The following RANBP17 variants were observed in gnomAD, a reference collection of about 807,000 sequenced individuals.
RANBP17 encodes the protein RAN binding protein 17, also known as ran-binding protein 17.
In RANBP17, 158 loss-of-function variants were observed where a neutral mutation model predicts 141.2. That is an observed-to-expected ratio of 1.12 (90% CI 0.98 to 1.28). RANBP17 has a LOEUF of 1.28. RANBP17 is among the 50% of genes most tolerant of loss of function. RANBP17 has a pLI of 0.00. For synonymous variants in RANBP17, 430 were observed against 450.0 expected, an observed-to-expected ratio of 0.96 and a Z score of 0.56; for missense variants, 1,438 against 1,290.7, an observed-to-expected ratio of 1.11 and a Z score of -1.75.
chr5:171,060,321 T>C (rs564075848), intron 14 of RANBP17, among the ~76,000 whole-genome samples: 5 of 149,660 alleles, frequency 3.3e-5, no homozygotes, highest in African/African-American at 9.8e-5. Context: ...TAGCTCTTAT[T>C]ATTTTGAGAT....
intron 5 of RANBP17, among the ~76,000 whole-genome samples, chr5:170,901,885 G>T (rs4418115): frequency 0.6 from 91,513 of 152,122 alleles, 29,242 homozygotes; most frequent in South Asian, 0.88. Context: ...TCTGCAGAGA[G>T]ATCTGCTGTT....
chr5:171,035,858 C>A (rs1031822453), intron 14 of RANBP17, among the ~76,000 whole-genome samples: 2 of 150,380 alleles, frequency 1.3e-5, no homozygotes, highest in African/African-American at 4.9e-5. Context: ...CAACCCGTTA[C>A]CAAGGTAGAG....
chr5:171,187,399 A>G (rs745352377), intron 18 of RANBP17, among the ~76,000 whole-genome samples: 6 of 152,192 alleles, frequency 3.9e-5, no homozygotes, highest in Admixed American at 1.3e-4. Context: ...AATGATGCCA[A>G]TAGAATTGTT....
At chr5:170,969,336 G>A (rs1776819976) in intron 14 of RANBP17, among the ~76,000 whole-genome samples, 1 of 151,746 alleles carries the variant, frequency 6.6e-6, no homozygotes, top group African/African-American at 2.4e-5. Flanking sequence ...GAATTTAGCT[G>A]CCACCAAATG....
intron 21 of RANBP17, among the ~76,000 whole-genome samples, chr5:171,214,853 A>G (rs1763118684): frequency 6.6e-6 from 1 of 152,118 alleles, no homozygotes; most frequent in African/African-American, 2.4e-5. Context: ...TGCATTGTAT[A>G]TTATAAAGTA....
chr5:170,942,610 A>G (rs1774418692), intron 12 of RANBP17, among the ~76,000 whole-genome samples: 1 of 152,204 alleles, frequency 6.6e-6, no homozygotes, highest in Admixed American at 6.5e-5. Flanking sequence ...TAAGCATTAA[A>G]TATTGACTCA....
At chr5:171,187,056 C>A (rs1039362251) in intron 18 of RANBP17, among the ~76,000 whole-genome samples, 1 of 152,108 alleles carries the variant, frequency 6.6e-6, no homozygotes, top group Non-Finnish European at 1.5e-5. Flanking sequence ...ACGTGTAACT[C>A]TTCCTTTCAC....
intron 14 of RANBP17, among the ~76,000 whole-genome samples, chr5:171,166,569 A>C (rs956328084): frequency 3.9e-5 from 6 of 152,278 alleles, no homozygotes; most frequent in African/African-American, 1.4e-4. Flanking sequence ...TAAAAACTCT[A>C]AATACTGTGT....
intron 16 of RANBP17, among the ~76,000 whole-genome samples, chr5:171,175,396 C>T (rs566663148): frequency 1.4e-4 from 22 of 152,080 alleles, no homozygotes; most frequent in Non-Finnish European, 2.9e-4. Flanking sequence ...CTAACTTATG[C>T]TCCCACCAAC....
intron 14 of RANBP17, among the ~76,000 whole-genome samples, chr5:171,152,253 A>T (rs1011827329): frequency 6.6e-6 from 1 of 151,318 alleles, no homozygotes; most frequent in Admixed American, 6.6e-5. Flanking sequence ...TCTCTACTAA[A>T]AAAAAAAAAG....
At chr5:171,111,226 T>G (rs1165138421) in intron 14 of RANBP17, among the ~76,000 whole-genome samples, 1 of 152,142 alleles carries the variant, frequency 6.6e-6, no homozygotes, top group Non-Finnish European at 1.5e-5. Context: ...TATTTTGGAG[T>G]AGCATATTCT....
At chr5:171,211,582 T>C (rs372228128) in intron 20 of RANBP17, among the ~76,000 whole-genome samples, 15 of 151,744 alleles carry the variant, frequency 9.9e-5, no homozygotes, top group Middle Eastern at 3.5e-3. Context: ...TACTTTCTAA[T>C]GTGTATTTAT....
chr5:170,894,157 A>G (rs972113341), intron 4 of RANBP17, among the ~76,000 whole-genome samples: 1 of 152,198 alleles, frequency 6.6e-6, no homozygotes, highest in South Asian at 2.1e-4. Flanking sequence ...CAGGACAAGT[A>G]TGAGCTTCAC....
At chr5:170,898,612 C>G (rs115097214) in intron 5 of RANBP17, among the ~76,000 whole-genome samples, 1,785 of 152,196 alleles carry the variant, frequency 0.012, 31 homozygotes, top group African/African-American at 0.041. Flanking sequence ...ATGCCTATGT[C>G]CTTAGTGGTA....
chr5:171,049,011 G>T (rs1485362998), intron 14 of RANBP17, among the ~76,000 whole-genome samples: 2 of 152,118 alleles, frequency 1.3e-5, no homozygotes, highest in African/African-American at 4.8e-5. Context: ...TGGGATTGCT[G>T]GGTGGAATGG....
chr5:170,979,748 A>G (rs13154876), intron 14 of RANBP17, among the ~76,000 whole-genome samples: 1 of 152,060 alleles, frequency 6.6e-6, no homozygotes, highest in Non-Finnish European at 1.5e-5. Flanking sequence ...TCCAGTAAAC[A>G]TCTTTCTTTT....
At chr5:170,926,877 C>T (rs1772971228) in intron 12 of RANBP17, among the ~76,000 whole-genome samples, 1 of 152,032 alleles carries the variant, frequency 6.6e-6, no homozygotes, top group Admixed American at 6.6e-5. Flanking sequence ...TACAGCATAC[C>T]ATACTCACTG....
intron 14 of RANBP17, among the ~76,000 whole-genome samples, chr5:171,018,060 G>A (rs999328707): frequency 6.6e-6 from 1 of 152,050 alleles, no homozygotes; most frequent in East Asian, 1.9e-4. Flanking sequence ...AGATCAGATG[G>A]TTGTAGATTT....
chr5:171,117,961 C>G (rs1755765744), intron 14 of RANBP17, among the ~76,000 whole-genome samples: 1 of 152,070 alleles, frequency 6.6e-6, no homozygotes, highest in South Asian at 2.1e-4. Context: ...GTAGGTTGTT[C>G]ACTCTGATGA....
Sources: gnomAD v4.1 joint callset for allele counts (sites outside exome capture counted in the v4.1 genomes callset) on GRCh38, gnomAD v4.1.1 for gene constraint, MANE v1.5 for transcripts, NCBI Gene and HGNC (gene_info 2026-07-23, HGNC 2026-07-21) for gene names.